The following GABPB2 variants were observed in gnomAD, a reference collection of about 807,000 sequenced individuals.
GABPB2 encodes the protein GA binding protein transcription factor subunit beta 2.
A neutral mutation model predicts 39.1 loss-of-function variants in GABPB2; 23 were observed. That is an observed-to-expected ratio of 0.59 (90% CI 0.42 to 0.83). The LOEUF (loss-of-function observed/expected upper bound fraction) is 0.83. GABPB2 is among the 40% of genes least tolerant of loss of function. The pLI is 0.00. For missense variants in GABPB2, 467 were observed against 541.1 expected (o/e 0.86, Z 1.36); for synonymous variants, 184 against 199.3 (o/e 0.92, Z 0.65).
intron 1 of GABPB2, among the ~76,000 whole-genome samples, chr1:151,083,149 A>G (rs1033890707): frequency 3.9e-5 from 6 of 152,214 alleles, no homozygotes; most frequent in Non-Finnish European, 8.8e-5. Flanking sequence ...TTGGTTCACC[A>G]AATTGTATAG....
At chr1:151,107,361 G>T in intron 7 of GABPB2, 139 bp downstream of exon 7, 441 of 410,308 alleles carry the variant, frequency 1.1e-3, no homozygotes, top group East Asian at 2.1e-3. Context: ...CTCTGAAAAA[G>T]AAAAAGAAAC....
intron 1 of GABPB2, among the ~76,000 whole-genome samples, chr1:151,085,594 C>T (rs868651868): frequency 3.5e-4 from 53 of 152,160 alleles, no homozygotes; most frequent in Non-Finnish European, 6.6e-4. Flanking sequence ...GCATCTGCCA[C>T]CACACCTGGC....
At chr1:151,113,235 G>A (rs1180787240) in intron 7 of GABPB2, among the ~76,000 whole-genome samples, 17 of 151,852 alleles carry the variant, frequency 1.1e-4, no homozygotes, top group Admixed American at 9.2e-4. Flanking sequence ...TTGGGAGGCC[G>A]AGGTGGACAG....
intron 1 of GABPB2, among the ~76,000 whole-genome samples, chr1:151,080,082 G>T (rs1677523939): frequency 6.6e-6 from 1 of 151,132 alleles, no homozygotes; most frequent in South Asian, 2.1e-4. Context: ...AAGCGTGGTG[G>T]CACACGCCTG....
chr1:151,112,633 A>T (rs1680542144), intron 7 of GABPB2: 1 of 168,854 alleles, frequency 5.9e-6, no homozygotes, highest in African/African-American at 2.4e-5. Flanking sequence ...GAGCCACCGC[A>T]CCTGGCCGAC....
chr1:151,090,291 C>A, intron 2 of GABPB2, 115 bp from the exon 3 acceptor site: 1 of 1,015,794 alleles, frequency 9.8e-7, no homozygotes, highest in Non-Finnish European at 1.4e-6. Context: ...TTTTATCTGC[C>A]CAACCAGATT....
At chr1:151,076,023 C>T (rs1476933329) in intron 1 of GABPB2, among the ~76,000 whole-genome samples, 1 of 152,116 alleles carries the variant, frequency 6.6e-6, no homozygotes, top group African/African-American at 2.4e-5. Flanking sequence ...CAGAAAGCAT[C>T]AGTATGGTGA....
intron 3 of GABPB2, among the ~76,000 whole-genome samples, chr1:151,091,465 CAAAAAAAAAAA>C (rs34351787): frequency 1.4e-4 from 10 of 73,444 alleles, no homozygotes; most frequent in African/African-American, 4.0e-4. Context: ...TCCTGTGTCT[CAAAAAAAAAAA>C]AAAAAAAAAA....
At chr1:151,078,891 C>CG (rs1234575686) in intron 1 of GABPB2, among the ~76,000 whole-genome samples, 1 of 151,718 alleles carries the variant, frequency 6.6e-6, no homozygotes, top group East Asian at 2.0e-4. Context: ...AGGCTGGTCT[C>CG]CAACTCCTGC....
At chr1:151,076,396 A>G (rs1344270077) in intron 1 of GABPB2, among the ~76,000 whole-genome samples, 1 of 152,136 alleles carries the variant, frequency 6.6e-6, no homozygotes, top group Non-Finnish European at 1.5e-5. Flanking sequence ...AGTTGCAGAA[A>G]AAAACTTAAA....
chr1:151,114,188 A>T (rs1680679315), intron 7 of GABPB2, among the ~76,000 whole-genome samples: 1 of 151,328 alleles, frequency 6.6e-6, no homozygotes, highest in Non-Finnish European at 1.5e-5. Context: ...CTAAAAAAAA[A>T]TACAAAAAAA....
At chr1:151,102,377 A>G (rs11204780) in intron 5 of GABPB2, among the ~76,000 whole-genome samples, 124,733 of 152,228 alleles carry the variant, frequency 0.82, 51,149 homozygotes, top group East Asian at 0.91. Flanking sequence ...AGTATTTTTA[A>G]CATTTAGCGT....
chr1:151,121,092 C>T lies in GABPB2; in HGVS notation c.*2836C>T, dbSNP rs1325649865. ...ATTTTATAAAACTTTGTTGAATTTT[C>T]TAAGTGTCATTTAGGACATATTGTG... On this transcript the variant is annotated 3_prime_UTR_variant, in exon 9 of 9. Coordinates refer to ENST00000368918, the MANE Select transcript of GABPB2 (RefSeq NM_144618.3). 2.6e-5 allele frequency: 4 copies of T among 152,144 alleles called. No individual in the cohort carries two copies. The highest frequency in any genetic ancestry group is 7.2e-5 in the African/African-American group (3 of 41,424). 9.4% of individuals were successfully genotyped at this position (152,144 alleles called of 1,614,324 possible).
intron 1 of GABPB2, among the ~76,000 whole-genome samples, chr1:151,084,847 T>TA (rs1279551098): frequency 6.6e-6 from 1 of 151,950 alleles, no homozygotes; most frequent in Non-Finnish European, 1.5e-5. Context: ...TGTTCATTTT[T>TA]AAAAAACATA....
At position 151,117,493 on chromosome 1, in the gene GABPB2, A is replaced by T; in HGVS notation, c.1024A>T (p.Thr342Ser). The change falls in exon 8 of 9, where the codon ACA (threonine) becomes TCA (serine). Residue 342 changes from threonine (T) to serine (S), a missense_variant. Physicochemically the swap from Thr to Ser is moderately conservative, Grantham distance 58. Transcript: ENST00000368918. ...LTKKPRIGEK[T>S]NSVEESKEGN... ...AAAGAAACCAAGGATAGGAGAGAAG[A>T]CAAACAGTGTGGAGGAAAGCAAGGT... 2 of 1,614,028 alleles carry T rather than the reference A, an allele frequency of 1.2e-6. No homozygotes were observed. The highest frequency in any genetic ancestry group is 2.2e-5 in the South Asian group (2 of 91,088).
In GABPB2 at chr1:151,088,281, C is replaced by T; in HGVS notation, c.92C>T (p.Pro31Leu). Residue 31 changes from proline (P) to leucine (L), a missense_variant, in exon 2 of 9, where the codon CCA becomes CTA. Pro to Leu is a moderately conservative substitution (Grantham distance 98). Transcript: ENST00000368918. ...EVRTLMANGA[P>L]FTTDWLGTSP... is the part of the protein sequence containing the mutation. ...AGAACGTTGATGGCAAATGGCGCCCCATTCACCACAGACTGGGTAAGCTTA... is the reference window on the plus strand; with the variant it reads ...AGAACGTTGATGGCAAATGGCGCCCTATTCACCACAGACTGGGTAAGCTTA... The T allele has an allele frequency of 6.2e-7, 1 of 1,613,046 alleles. No individual in the cohort carries two copies. Among genetic ancestry groups the T allele is most frequent in the Non-Finnish European group, 8.5e-7 (1 of 1,179,324 alleles).
intron 1 of GABPB2, among the ~76,000 whole-genome samples, chr1:151,085,122 G>T (rs144771971): frequency 6.6e-6 from 1 of 151,326 alleles, no homozygotes; most frequent in African/African-American, 2.4e-5. Flanking sequence ...AAATGGCCAG[G>T]CGCGGTGGCT....
rs118060176 is a variant in GABPB2 at position 151,108,557 on chromosome 1, G to A, written c.922+1335G>A. Among the ~76,000 whole-genome samples the A allele has an allele frequency of 2.8e-4, 42 of 152,030 alleles. No individual in the cohort carries two copies. The East Asian group carries it at 7.3e-3, about 27-fold the overall frequency. On this transcript the variant is annotated intron_variant, in intron 7 of 8. Coordinates refer to ENST00000368918, the MANE Select transcript of GABPB2 (RefSeq NM_144618.3). ...TGTTCTGTCACCCAGGCTTGTGTGC[G>A]GTGGTGCAATCATGGGTCACTGCAG... is the stretch of plus-strand genomic sequence containing the variant.
intron 1 of GABPB2, among the ~76,000 whole-genome samples, chr1:151,072,865 A>T (rs1676846685): frequency 1.3e-5 from 2 of 151,944 alleles, no homozygotes; most frequent in African/African-American, 4.8e-5. Flanking sequence ...CAAACAAACA[A>T]ACATACTTTA....
Sources: allele counts gnomAD v4.1 joint callset (sites outside exome capture counted in the v4.1 genomes callset), GRCh38; gene constraint gnomAD v4.1.1; transcripts MANE v1.5; gene names NCBI Gene and HGNC (gene_info 2026-07-23, HGNC 2026-07-21).